GRIN2B: variants seen among roughly 807,000 people sequenced by gnomAD.
The protein encoded by GRIN2B is glutamate ionotropic receptor NMDA type subunit 2B.
In GRIN2B, 5 loss-of-function variants were observed where a neutral mutation model predicts 114.5. The ratio of observed to expected loss-of-function variants is 0.04; its 90% CI spans 0.02 to 0.09. The LOEUF is 0.09. GRIN2B is among the 10% of genes least tolerant of loss of function. The pLI, the probability that GRIN2B is intolerant of heterozygous loss-of-function variation, is 1.00. For missense variants in GRIN2B, 1,108 were observed against 1,943.5 expected, an observed-to-expected ratio of 0.57 and a Z score of 8.08; for synonymous variants, 787 against 745.1, an observed-to-expected ratio of 1.06 and a Z score of -0.92.
intron 10 of GRIN2B, among the ~76,000 whole-genome samples, chr12:13,580,932 G>A (rs1459039878): frequency 6.6e-6 from 1 of 152,102 alleles, no homozygotes; most frequent in Admixed American, 6.6e-5. Context: ...ATAACCTTTT[G>A]AGACTGGCTT....
In GRIN2B at chr12:13,903,545, T is replaced by C. The variant is rs796078680; in HGVS notation, c.-18-37319A>G. On this transcript the variant is annotated intron_variant, in intron 2 of 13. Coordinates refer to ENST00000609686, the MANE Select transcript of GRIN2B (RefSeq NM_000834.5). ...TGTCCTTTTGCTTTTTACTTATAGCTAAATTGCACTTCGATCAGGAAGAAC... is the reference window on the plus strand; with the variant it reads ...TGTCCTTTTGCTTTTTACTTATAGCCAAATTGCACTTCGATCAGGAAGAAC... 7.4e-4 allele frequency among the ~76,000 whole-genome samples: 113 copies of C among 152,292 alleles called. 1 individual carries two copies. Among genetic ancestry groups the C allele is most frequent in the African/African-American group, 2.7e-3 (111 of 41,588 alleles).
chr12:13,916,630 CTT>C (rs1866727516), intron 2 of GRIN2B, among the ~76,000 whole-genome samples: 1 of 151,796 alleles, frequency 6.6e-6, no homozygotes, highest in Admixed American at 6.6e-5. Flanking sequence ...AGGAGGATCT[CTT>C]GAAGCCAGGA....
In GRIN2B at chr12:13,564,133, G is replaced by A. The variant is rs778873883; in HGVS notation, c.3105C>T (p.Leu1035=). Reference sequence around the variant, plus strand: ...AGGAGAATTTGCCGTACAGGTCACTGAGCTGGCTGTGCTTGGAGGAGGGGA... The same window carrying A: ...AGGAGAATTTGCCGTACAGGTCACTAAGCTGGCTGTGCTTGGAGGAGGGGA... ...IGLPSSKHSQ[L]SDLYGKFSFK... is the part of the protein sequence containing the mutation. Residue 1035 remains leucine (L), a synonymous_variant, in exon 14 of 14, where the codon CTC becomes CTT. Coordinates refer to ENST00000609686, the MANE Select transcript of GRIN2B (RefSeq NM_000834.5). The surrounding 1 kb of genome is among the most constrained non-coding windows in gnomAD (Gnocchi z 4.8). The A allele has an allele frequency of 6.2e-7, 1 of 1,614,176 alleles. No individual in the cohort carries two copies. The highest frequency in any genetic ancestry group is 8.5e-7 in the Non-Finnish European group (1 of 1,180,038).
chr12:13,687,165 C>T (rs1950179932), intron 4 of GRIN2B, among the ~76,000 whole-genome samples: 1 of 152,134 alleles, frequency 6.6e-6, no homozygotes. Context: ...AAATTACCAG[C>T]CTTGAGTTTT....
At chr12:13,603,130 C>T (rs1315490377) in intron 10 of GRIN2B, among the ~76,000 whole-genome samples, 1 of 152,170 alleles carries the variant, frequency 6.6e-6, no homozygotes, top group Non-Finnish European at 1.5e-5. Flanking sequence ...TATACACAGG[C>T]TAAAGTCAAT....
chr12:13,960,393 C>T (rs1386389673), intron 2 of GRIN2B, among the ~76,000 whole-genome samples: 1 of 152,162 alleles, frequency 6.6e-6, no homozygotes, highest in East Asian at 1.9e-4. Context: ...TTCAAAGTTT[C>T]CACCACTAAA....
intron 5 of GRIN2B, among the ~76,000 whole-genome samples, chr12:13,651,392 A>G (rs1043924283): frequency 6.6e-6 from 1 of 152,106 alleles, no homozygotes; most frequent in Non-Finnish European, 1.5e-5. Flanking sequence ...AAGAATCTAG[A>G]AAGAAGTTTA....
rs73045371 is a variant in GRIN2B at position 13,542,952 on chromosome 12, C to T, written c.*19831G>A. 0.13 allele frequency: 19,125 copies of T among 150,732 alleles called. 1,675 individuals are homozygous for T. The highest frequency in any genetic ancestry group is 0.24 in the African/African-American group (9,851 of 41,270). 9.3% of individuals were successfully genotyped at this position (150,732 alleles called of 1,614,324 possible). ...TCATTGCCATTCCAGACCATCCTCC[C>T]TCCTTTTTAAAAAAAAATAACATGC... On this transcript the variant is annotated 3_prime_UTR_variant, in exon 14 of 14. Coordinates refer to ENST00000609686, the MANE Select transcript of GRIN2B (RefSeq NM_000834.5).
chr12:13,896,512 A>G (rs1045228909), intron 2 of GRIN2B, among the ~76,000 whole-genome samples: 2 of 152,242 alleles, frequency 1.3e-5, no homozygotes, highest in African/African-American at 4.8e-5. Flanking sequence ...CATTAAGGCC[A>G]TAGTGGCGCC....
chr12:13,842,982 G>T (rs1390246095), intron 3 of GRIN2B, among the ~76,000 whole-genome samples: 6 of 76,192 alleles, frequency 7.9e-5, no homozygotes, highest in African/African-American at 2.5e-4. Context: ...TTAATTTTTT[G>T]CGGTGTTTTG....
At chr12:13,981,082 G>A (rs1353415727) in intron 1 of GRIN2B, among the ~76,000 whole-genome samples, 5 of 151,830 alleles carry the variant, frequency 3.3e-5, no homozygotes, top group Non-Finnish European at 5.9e-5. Flanking sequence ...CCGCTGCCCT[G>A]CCCCTCTGCT....
chr12:13,919,941 A>G (rs1377138052), intron 2 of GRIN2B, among the ~76,000 whole-genome samples: 1 of 152,202 alleles, frequency 6.6e-6, no homozygotes, highest in African/African-American at 2.4e-5. Flanking sequence ...GAGGAAGATC[A>G]CATTCCTGCA....
chr12:13,631,512 C>A (rs1949615325), intron 5 of GRIN2B, among the ~76,000 whole-genome samples: 1 of 152,060 alleles, frequency 6.6e-6, no homozygotes, highest in Non-Finnish European at 1.5e-5. Flanking sequence ...ATGCTCCCAT[C>A]CAGCCAAAAA....
intron 2 of GRIN2B, among the ~76,000 whole-genome samples, chr12:13,911,382 A>G (rs899598432): frequency 1.3e-5 from 2 of 152,148 alleles, no homozygotes; most frequent in Non-Finnish European, 2.9e-5. Flanking sequence ...GGTCTGGAGA[A>G]GTAAGCAACA....
chr12:13,561,293 G>A lies in GRIN2B; in HGVS notation c.*1490C>T, dbSNP rs1948539773. 1 of 152,082 alleles carries A rather than the reference G, an allele frequency of 6.6e-6. No homozygotes were observed. Among genetic ancestry groups the A allele is most frequent in the African/African-American group, 2.4e-5 (1 of 41,402 alleles). 9.4% of individuals were successfully genotyped at this position (152,082 alleles called of 1,614,324 possible). A position where few individuals can be genotyped will look rare whatever the true frequency, so the allele number is the denominator to read the frequency against. The stretch of plus-strand genomic sequence containing the variant: ...CCAAGAGTGTTCACTCTGGGCTCAA[G>A]TCACATTCCCAGGGAGCCAGGCCCA... On this transcript the variant is annotated 3_prime_UTR_variant, in exon 14 of 14. Coordinates refer to ENST00000609686, the MANE Select transcript of GRIN2B (RefSeq NM_000834.5).
chr12:13,612,093 C>T (rs1291964855), intron 8 of GRIN2B, among the ~76,000 whole-genome samples: 2 of 152,214 alleles, frequency 1.3e-5, no homozygotes, highest in Non-Finnish European at 1.5e-5. Context: ...GTTGTAGAGG[C>T]AGCTTCTGCC....
rs559264983 is a variant in GRIN2B, at chr12:13,965,369, C to T, written c.-19+14559G>A. Among the ~76,000 whole-genome samples the T allele has an allele frequency of 2.0e-5, 3 of 152,294 alleles. No individual in the cohort carries two copies. In the East Asian group the frequency reaches 5.8e-4, roughly 29 times the overall value. ...ACTGGCTCTCAGAGATCTTTCCAGT[C>T]CTCTGTGATTTTCCCAAATGGCAGC... On this transcript the variant is annotated intron_variant, in intron 2 of 13. Coordinates refer to ENST00000609686, the MANE Select transcript of GRIN2B (RefSeq NM_000834.5).
rs565236676 is a variant in GRIN2B, at chr12:13,541,114, C to T, written c.*21669G>A. ...ATGCTGTTGGAGCACTGGCTCCTGT[C>T]ACGTGGAGGAAAAGAGATTTCCCCT... On this transcript the variant is annotated 3_prime_UTR_variant, in exon 14 of 14. Coordinates refer to ENST00000609686, the MANE Select transcript of GRIN2B (RefSeq NM_000834.5). 1 of 152,326 alleles carries T rather than the reference C, an allele frequency of 6.6e-6. No individual in the cohort carries two copies. The highest frequency in any genetic ancestry group is 2.1e-4 in the South Asian group (1 of 4,832). 9.4% of individuals were successfully genotyped at this position (152,326 alleles called of 1,614,324 possible).
At chr12:13,701,233 T>C (rs561898628) in intron 4 of GRIN2B, among the ~76,000 whole-genome samples, 12 of 152,236 alleles carry the variant, frequency 7.9e-5, no homozygotes, top group African/African-American at 2.6e-4. Context: ...ATGAGGATTA[T>C]GGGGATTACA....
Sources: gnomAD v4.1 joint callset for allele counts (sites outside exome capture counted in the v4.1 genomes callset) on GRCh38, gnomAD v4.1.1 for gene constraint, Gnocchi (gnomAD v3.1) non-coding constraint, MANE v1.5 for transcripts, NCBI Gene and HGNC (gene_info 2026-07-23, HGNC 2026-07-21) for gene names.